KCNMA1: variants seen among roughly 807,000 people sequenced by gnomAD.
KCNMA1 encodes potassium calcium-activated channel subfamily M alpha 1.
KCNMA1 carries 29 observed loss-of-function variants against 140.0 expected under a neutral mutation model. The ratio of observed to expected loss-of-function variants is 0.21; its 90% CI spans 0.15 to 0.28. The LOEUF is 0.28. Ranked by LOEUF, KCNMA1 falls within the 10% of genes least tolerant of loss-of-function variation. KCNMA1 has a pLI of 1.00. For synonymous variants in KCNMA1, 612 were observed against 611.9 expected (o/e 1.00, Z 0.00); for missense variants, 880 against 1,602.2 (o/e 0.55, Z 7.70).
intron 3 of KCNMA1, among the ~76,000 whole-genome samples, chr10:77,237,754 C>T (rs537471508): frequency 1.4e-3 from 209 of 152,308 alleles, no homozygotes; most frequent in African/African-American, 4.8e-3. Flanking sequence ...CATTCCCCGC[C>T]AGAGCTGCCC....
At chr10:77,565,825 A>G (rs2619642) in intron 1 of KCNMA1, among the ~76,000 whole-genome samples, 139,192 of 152,248 alleles carry the variant, frequency 0.91, 63,768 homozygotes, top group South Asian at 0.97. Flanking sequence ...CACTGCAGCT[A>G]TCCCACAGGA....
intron 18 of KCNMA1, among the ~76,000 whole-genome samples, chr10:77,006,013 G>T (rs888459479): frequency 1.3e-5 from 2 of 152,192 alleles, no homozygotes; most frequent in Non-Finnish European, 2.9e-5. Flanking sequence ...TGGATAATCA[G>T]CTGTCAAACT....
rs546458443 is a variant in KCNMA1, at chr10:77,470,056, C to A, written c.379-66033G>T. On this transcript the variant is annotated intron_variant, in intron 1 of 27. Coordinates refer to ENST00000286628, the MANE Select transcript of KCNMA1 (RefSeq NM_001161352.2). The stretch of plus-strand genomic sequence containing the variant: ...CTGTCAGCAGTGGTGAGAAGGAGGC[C>A]AGGGTCGGATGCGTCCGGCTGCCTT... 5.3e-5 allele frequency among the ~76,000 whole-genome samples: 8 copies of A among 152,190 alleles called. No individual in the cohort carries two copies. In the South Asian group the frequency reaches 1.7e-3, roughly 32 times the overall value.
intron 1 of KCNMA1, among the ~76,000 whole-genome samples, chr10:77,591,040 A>G (rs2673429): frequency 0.91 from 139,269 of 152,238 alleles, 63,845 homozygotes; most frequent in South Asian, 0.97. Context: ...GTGCCAGCAG[A>G]CAGCGAGCAA....
At chr10:77,538,032 A>T (rs2059310890) in intron 1 of KCNMA1, among the ~76,000 whole-genome samples, 1 of 151,660 alleles carries the variant, frequency 6.6e-6, no homozygotes. Flanking sequence ...ACGTACTCTC[A>T]CACACACTCT....
intron 3 of KCNMA1, among the ~76,000 whole-genome samples, chr10:77,186,487 A>G (rs1312087721): frequency 6.6e-6 from 1 of 152,218 alleles, no homozygotes; most frequent in African/African-American, 2.4e-5. Flanking sequence ...CAAGGAAGCC[A>G]AATATCACAG....
chr10:77,402,238 G>A (rs2154462536), intron 2 of KCNMA1, among the ~76,000 whole-genome samples: 1 of 152,272 alleles, frequency 6.6e-6, no homozygotes, highest in South Asian at 2.1e-4. Context: ...GAGCAATGGA[G>A]ACTTCAGTCA....
intron 3 of KCNMA1, among the ~76,000 whole-genome samples, chr10:77,188,553 A>T (rs1277163362): frequency 1.3e-5 from 2 of 152,190 alleles, no homozygotes; most frequent in Non-Finnish European, 1.5e-5. Context: ...CTCAGTAAAG[A>T]GTTGATTCTT....
intron 1 of KCNMA1, among the ~76,000 whole-genome samples, chr10:77,527,025 G>A (rs946979735): frequency 7.2e-5 from 11 of 152,348 alleles, no homozygotes; most frequent in Non-Finnish European, 1.6e-4. Context: ...ATAGTAAACA[G>A]CATTAGAGGG....
intron 16 of KCNMA1, among the ~76,000 whole-genome samples, chr10:77,025,240 GTGTATATATATATATATATATATATATA>G (rs1395778658): frequency 1.7e-4 from 11 of 65,374 alleles, no homozygotes; most frequent in South Asian, 5.7e-4. Context: ...AGGGGTGTGT[GTGTATATATATATATATATATATATATA>G]TATATATATA....
At position 76,891,324 on chromosome 10, in the gene KCNMA1, A is replaced by G; in HGVS notation, c.3342+201T>C. ...CTAGAACTTATATCAAAGGGTTGCT[A>G]TGAAGATTAAAATGAATGACTATGC... On this transcript the variant is annotated intron_variant, in intron 26 of 27. Transcript: ENST00000286628. 1.8e-5 allele frequency: 11 copies of G among 607,416 alleles called. No individual in the cohort carries two copies. The South Asian group carries it at 2.1e-4, about 12-fold the overall frequency. 37.6% of individuals were successfully genotyped at this position (607,416 alleles called of 1,614,324 possible).
rs568200099 is a variant in KCNMA1, at chr10:77,058,681, T to C, written c.1749+14416A>G. 2.0e-5 allele frequency among the ~76,000 whole-genome samples: 3 copies of C among 152,186 alleles called. No individual in the cohort carries two copies. The South Asian group carries it at 6.2e-4, about 32-fold the overall frequency. On this transcript the variant is annotated intron_variant, in intron 14 of 27. Transcript: ENST00000286628. ...TAATTCATGGATCAAAGAAGTTTCA[T>C]GTGAAATTAGAAAATATTGTTAACT...
chr10:77,324,969 CTCTG>C lies in KCNMA1; in HGVS notation c.541-73717_541-73714del, dbSNP rs1240538340. The stretch of plus-strand genomic sequence containing the variant: ...TCTCTCTCTCTCTCTCTCTCTCTCT[CTCTG>C]TGTGTGTGTGTGTGTGTGTGTGTGT... On this transcript the variant is annotated intron_variant, in intron 2 of 27. Transcript: ENST00000286628. 6.1e-3 allele frequency among the ~76,000 whole-genome samples: 577 copies of C among 95,090 alleles called. 1 individual carries two copies. Among genetic ancestry groups the C allele is most frequent in the African/African-American group, 0.011 (204 of 18,934 alleles). 62.4% of individuals were successfully genotyped at this position (95,090 alleles called of 152,430 possible). A position where few individuals can be genotyped will look rare whatever the true frequency, so the allele number is the denominator to read the frequency against.
chr10:77,357,511 T>C (rs1053625295), intron 2 of KCNMA1, among the ~76,000 whole-genome samples: 1 of 152,254 alleles, frequency 6.6e-6, no homozygotes, highest in African/African-American at 2.4e-5. Context: ...CATTCAGCAC[T>C]TTTTATCTTC....
rs2086126963 is a variant in KCNMA1 at position 77,000,877 on chromosome 10, T to TATATAG, written c.2266+529_2266+530insCTATAT. The stretch of plus-strand genomic sequence containing the variant: ...AAGAAAATATATATATATATATATA[T>TATATAG]ATATATATATATATATATATATATC... On this transcript the variant is annotated intron_variant, in intron 19 of 27. Coordinates refer to ENST00000286628, the MANE Select transcript of KCNMA1 (RefSeq NM_001161352.2). Among the ~76,000 whole-genome samples, 13 of 95,570 alleles carry TATATAG rather than the reference T, an allele frequency of 1.4e-4. 2 individuals carry two copies. In the South Asian group the frequency reaches 4.5e-3, roughly 33 times the overall value. 62.7% of individuals were successfully genotyped at this position (95,570 alleles called of 152,430 possible).
intron 2 of KCNMA1, among the ~76,000 whole-genome samples, chr10:77,309,867 T>C (rs983589478): frequency 2.6e-5 from 4 of 152,150 alleles, no homozygotes; most frequent in African/African-American, 9.7e-5. Flanking sequence ...TCCTCATCTA[T>C]AATTTGCAGG....
At chr10:77,328,624 G>A (rs966274320) in intron 2 of KCNMA1, among the ~76,000 whole-genome samples, 2 of 152,124 alleles carry the variant, frequency 1.3e-5, no homozygotes, top group African/African-American at 4.8e-5. Context: ...AAAGACTGAC[G>A]GGTGGTCATG....
In KCNMA1 at chr10:77,476,837, C is replaced by T. The variant is rs571207828; in HGVS notation, c.379-72814G>A. On this transcript the variant is annotated intron_variant, in intron 1 of 27. Transcript: ENST00000286628. The stretch of plus-strand genomic sequence containing the variant: ...AATGAATGAATGAATGGATTTTCTA[C>T]TGACTTATATGCCATAAATATTTTC... 3.3e-5 allele frequency among the ~76,000 whole-genome samples: 5 copies of T among 152,328 alleles called. No homozygotes were observed. In the South Asian group the frequency reaches 1.0e-3, roughly 32 times the overall value.
intron 1 of KCNMA1, among the ~76,000 whole-genome samples, chr10:77,479,719 C>A (rs533007901): frequency 6.6e-6 from 1 of 152,326 alleles, no homozygotes; most frequent in Non-Finnish European, 1.5e-5. Flanking sequence ...TAAGCCCTCG[C>A]CCCTGTGCCC....
Sources: gnomAD v4.1 joint callset for allele counts (sites outside exome capture counted in the v4.1 genomes callset) on GRCh38, gnomAD v4.1.1 for gene constraint, MANE v1.5 for transcripts, NCBI Gene and HGNC (gene_info 2026-07-23, HGNC 2026-07-21) for gene names.